Variants in NRG2 observed in about 807,000 individuals in gnomAD.
NRG2 encodes pro-neuregulin-2, membrane-bound isoform.
NRG2 carries 27 observed loss-of-function variants against 73.9 expected under a neutral mutation model. The observed-to-expected ratio is 0.37, with a 90% CI of 0.27 to 0.50. The LOEUF is 0.50. Among genes scored for constraint, NRG2 ranks in the 20% least tolerant of loss-of-function variants. The pLI, the probability that NRG2 is intolerant of heterozygous loss-of-function variation, is 0.96. For missense variants in NRG2, 1,126 were observed against 1,210.1 expected (o/e 0.93, Z 1.03); for synonymous variants, 532 against 541.0 (o/e 0.98, Z 0.23).
chr5:139,938,904 GAAAA>G (rs1753098263), intron 1 of NRG2, among the ~76,000 whole-genome samples: 1 of 49,038 alleles, frequency 2.0e-5, no homozygotes, highest in Non-Finnish European at 4.0e-5. Flanking sequence ...AAGAAAGAAA[GAAAA>G]GAAAGAAAGA....
chr5:139,891,360 T>C (rs1764203396), intron 1 of NRG2, among the ~76,000 whole-genome samples: 1 of 152,078 alleles, frequency 6.6e-6, no homozygotes, highest in African/African-American at 2.4e-5. Flanking sequence ...CGGCCACCAA[T>C]GGAAAACACA....
At chr5:139,967,907 T>G (rs2126522025) in intron 1 of NRG2, among the ~76,000 whole-genome samples, 1 of 151,716 alleles carries the variant, frequency 6.6e-6, no homozygotes, top group African/African-American at 2.4e-5. Flanking sequence ...TGCAGTGAGC[T>G]GAGATCGCAC....
Position 139,928,051 on chromosome 5 carries a change from A to G in NRG2, c.701-40540T>C, listed in dbSNP as rs138815726. On this transcript the variant is annotated intron_variant, in intron 1 of 9. Coordinates refer to ENST00000361474, the MANE Select transcript of NRG2 (RefSeq NM_004883.3). Reference sequence around the variant, plus strand: ...CATGAGCCATCCCAATCCTCACACAATCACCCCACAGCACACCCCACAGTC... The same window carrying G: ...CATGAGCCATCCCAATCCTCACACAGTCACCCCACAGCACACCCCACAGTC... Among the ~76,000 whole-genome samples the G allele has an allele frequency of 9.4e-4, 143 of 152,148 alleles. 1 individual carries two copies. Among genetic ancestry groups the G allele is most frequent in the Middle Eastern group, 3.4e-3 (1 of 294 alleles).
In NRG2 at chr5:139,869,829, T is replaced by C. The variant is rs1161419366; in HGVS notation, c.1112+1892A>G. The C allele has an allele frequency of 6.6e-6, 1 of 152,446 alleles. No individual in the cohort carries two copies. The highest frequency in any genetic ancestry group is 1.5e-5 in the Non-Finnish European group (1 of 68,210). The allele number at this position is 152,446 out of a possible 1,614,324, so 9.4% of individuals were successfully genotyped here. On this transcript the variant is annotated intron_variant, in intron 4 of 9. Coordinates refer to ENST00000361474, the MANE Select transcript of NRG2 (RefSeq NM_004883.3). This position sits in a 1 kb window ranked among gnomAD's most constrained non-coding sequence, Gnocchi z 4.5. Reference sequence around the variant, plus strand: ...AGAGGTCCTAGGGGTGCAACCTTGCTGGCAGGGCCCTCCTGGAGCCCACAT... The same window carrying C: ...AGAGGTCCTAGGGGTGCAACCTTGCCGGCAGGGCCCTCCTGGAGCCCACAT...
intron 1 of NRG2, among the ~76,000 whole-genome samples, chr5:140,041,757 A>G (rs374559360): frequency 1.3e-5 from 2 of 152,132 alleles, no homozygotes; most frequent in South Asian, 2.1e-4. Context: ...ACGATGAAGA[A>G]AAAAACTGGA....
At chr5:139,863,246 C>G (rs1343564075) in intron 5 of NRG2, among the ~76,000 whole-genome samples, 1 of 152,226 alleles carries the variant, frequency 6.6e-6, no homozygotes, top group Non-Finnish European at 1.5e-5. Flanking sequence ...TTACTGAGGT[C>G]TCTTTGAATC....
intron 3 of NRG2, among the ~76,000 whole-genome samples, chr5:139,873,733 C>T (rs977646904): frequency 1.4e-4 from 21 of 152,266 alleles, no homozygotes; most frequent in African/African-American, 5.1e-4. Flanking sequence ...GCACAGACTG[C>T]CCACTGCTGT....
At chr5:139,996,390 CTTAAG>C (rs1313468876) in intron 1 of NRG2, among the ~76,000 whole-genome samples, 2 of 152,176 alleles carry the variant, frequency 1.3e-5, no homozygotes, top group African/African-American at 4.8e-5. Context: ...TCACTGGATA[CTTAAG>C]TTGTTTCCAA....
At chr5:139,990,040 G>A (rs886902988) in intron 1 of NRG2, among the ~76,000 whole-genome samples, 31 of 151,372 alleles carry the variant, frequency 2.0e-4, no homozygotes, top group African/African-American at 4.6e-4. Context: ...CGCCCACCTC[G>A]GCCTCCCAAA....
At chr5:139,932,461 A>G (rs927340060) in intron 1 of NRG2, among the ~76,000 whole-genome samples, 14 of 152,112 alleles carry the variant, frequency 9.2e-5, no homozygotes, top group African/African-American at 2.7e-4. Flanking sequence ...ATGAAGCATT[A>G]GTTACCATGA....
chr5:139,895,779 G>A (rs538928963), intron 1 of NRG2, among the ~76,000 whole-genome samples: 76 of 152,320 alleles, frequency 5.0e-4, no homozygotes, highest in African/African-American at 1.8e-3. Context: ...GGCAGAGGTC[G>A]GGGACAAAGC....
In NRG2 at chr5:139,852,502, T is replaced by C; in HGVS notation, c.1474A>G (p.Thr492Ala). The change falls in exon 8 of 10, where the codon ACC becomes GCC. Residue 492 changes from threonine (T) to alanine (A), a missense_variant. By Grantham distance (58) the Thr-to-Ala change is moderately conservative. This residue lies in a region of NRG2 where 539 missense variants were observed against 703.2 expected (regional missense o/e 0.77). Coordinates refer to ENST00000361474, the MANE Select transcript of NRG2 (RefSeq NM_004883.3). The surrounding 1 kb of genome is among the most constrained non-coding windows in gnomAD (Gnocchi z 4.4). ...DHVIRRETET[T>A]FSGSHSCSPS... is the part of the protein sequence containing the mutation. ...GAACAGGAGTGGCTCCCAGAGAAGG[T>C]GGTCTCAGTTTCTCTCCTGATGACA... 3 of 1,614,002 alleles carry C rather than the reference T, an allele frequency of 1.9e-6. No homozygotes were observed. The South Asian group carries it at 3.3e-5, about 18-fold the overall frequency.
intron 3 of NRG2, among the ~76,000 whole-genome samples, chr5:139,874,946 G>T (rs184327978): frequency 6.6e-6 from 1 of 152,158 alleles, no homozygotes; most frequent in South Asian, 2.1e-4. Flanking sequence ...TTATTCCCTC[G>T]CTTAGCTTCA....
chr5:139,857,755 G>C (rs1166525580), intron 5 of NRG2, among the ~76,000 whole-genome samples: 1 of 152,008 alleles, frequency 6.6e-6, no homozygotes, highest in Non-Finnish European at 1.5e-5. Context: ...CCAGCTCATG[G>C]ATGCAGCACC....
chr5:140,007,945 G>A (rs967237068), intron 1 of NRG2, among the ~76,000 whole-genome samples: 3 of 152,316 alleles, frequency 2.0e-5, no homozygotes, highest in South Asian at 2.1e-4. Flanking sequence ...TGGCGAAGCC[G>A]ATACCTGAAC....
At chr5:140,009,314 G>T (rs1759170917) in intron 1 of NRG2, among the ~76,000 whole-genome samples, 1 of 152,124 alleles carries the variant, frequency 6.6e-6, no homozygotes, top group Non-Finnish European at 1.5e-5. Context: ...CTAAGAACCA[G>T]ATCTCTTCTT....
intron 1 of NRG2, among the ~76,000 whole-genome samples, chr5:140,015,027 A>T (rs1173715162): frequency 1.3e-5 from 2 of 152,126 alleles, no homozygotes; most frequent in Admixed American, 1.3e-4. Flanking sequence ...TCACCATGAT[A>T]TCTACCTGCC....
chr5:139,867,598 T>C (rs903777289), intron 4 of NRG2, among the ~76,000 whole-genome samples: 2 of 152,102 alleles, frequency 1.3e-5, no homozygotes, highest in African/African-American at 4.8e-5. Flanking sequence ...TGATGGGGAC[T>C]AGAGAGGGAG....
intron 1 of NRG2, among the ~76,000 whole-genome samples, chr5:139,928,458 ATGT>A (rs1355316636): frequency 6.6e-6 from 1 of 152,062 alleles, no homozygotes; most frequent in African/African-American, 2.4e-5. Context: ...GCTTCTCCAG[ATGT>A]TGTCCTTGTC....
Sources: allele counts gnomAD v4.1 joint callset (sites outside exome capture counted in the v4.1 genomes callset), GRCh38; gene constraint gnomAD v4.1.1; regional missense constraint gnomAD v4.1.1; non-coding constraint Gnocchi (gnomAD v3.1); transcripts MANE v1.5; gene names NCBI Gene and HGNC (gene_info 2026-07-23, HGNC 2026-07-21).